Variants in TCOF1 observed in about 807,000 individuals in gnomAD.
The protein encoded by TCOF1 is treacle protein.
TCOF1 carries 33 observed loss-of-function variants against 149.0 expected under a neutral mutation model. The observed-to-expected ratio is 0.22, with a 90% confidence interval of 0.17 to 0.30. The LOEUF is 0.30. Among genes scored for constraint, TCOF1 ranks in the 10% least tolerant of loss-of-function variants. The pLI is 1.00. For missense variants in TCOF1, 1,728 were observed against 1,840.7 expected, an observed-to-expected ratio of 0.94 and a Z score of 1.12; for synonymous variants, 789 against 738.8, an observed-to-expected ratio of 1.07 and a Z score of -1.10.
At chr5:150,368,337 G>T (rs1028862233) in intron 4 of TCOF1, 3 of 352,020 alleles carry the variant, frequency 8.5e-6, no homozygotes, top group Admixed American at 4.5e-5. Context: ...AAAAAACAAG[G>T]TGTCATTTTC....
chr5:150,377,487 C>T (rs1317940215), intron 14 of TCOF1, among the ~76,000 whole-genome samples: 1 of 152,234 alleles, frequency 6.6e-6, no homozygotes, highest in Non-Finnish European at 1.5e-5. Flanking sequence ...ACTCCCTGCA[C>T]TCACCCACCC....
intron 14 of TCOF1, among the ~76,000 whole-genome samples, chr5:150,376,866 G>A (rs1763925729): frequency 6.6e-6 from 1 of 152,180 alleles, no homozygotes; most frequent in Admixed American, 6.5e-5. Context: ...CACAAGCTCT[G>A]GAGTTCCCAC....
Position 150,389,787 on chromosome 5 carries a change from C to T in TCOF1, c.3047-100C>T. ...ACCTCTGTAAGCCCTGAGCACAGCT[C>T]TAGATCACCAGCACAGGCCGGTAAA... On this transcript the variant is annotated intron_variant, in intron 18 of 26. Coordinates refer to ENST00000643257, the MANE Select transcript of TCOF1 (RefSeq NM_001371623.1). The T allele has an allele frequency of 2.5e-6, 4 of 1,602,508 alleles. No individual in the cohort carries two copies. The South Asian group carries it at 4.5e-5, about 18-fold the overall frequency.
chr5:150,399,106 G>A, intron 26 of TCOF1, 36 bp downstream of exon 26: 1 of 1,613,972 alleles, frequency 6.2e-7, no homozygotes, highest in Non-Finnish European at 8.5e-7. Flanking sequence ...ATTCAGGGTG[G>A]GAGGACAGCT....
Position 150,357,733 on chromosome 5 carries a change from C to G in TCOF1, c.-14C>G, listed in dbSNP as rs764760629. On this transcript the variant is annotated 5_prime_UTR_variant, in exon 1 of 27. Transcript: ENST00000643257. ...CGGGGCGTGCAGGTAGCCGGCCGGC[C>G]GGGGGTCGCGGGTATGGCCGAGGCC... 1 of 1,546,578 alleles carries G rather than the reference C, an allele frequency of 6.5e-7. No homozygotes were observed. Among genetic ancestry groups the G allele is most frequent in the Non-Finnish European group, 8.7e-7 (1 of 1,145,456 alleles).
chr5:150,396,153 C>A, intron 23 of TCOF1, 129 bp from the exon 24 acceptor site: 2 of 1,081,402 alleles, frequency 1.8e-6, no homozygotes, highest in South Asian at 1.3e-5. Context: ...ACCGCCAAGC[C>A]TTGCTCTCCC....
chr5:150,381,690 T>G (rs1456285088), intron 17 of TCOF1, among the ~76,000 whole-genome samples: 1 of 152,236 alleles, frequency 6.6e-6, no homozygotes, highest in Non-Finnish European at 1.5e-5. Flanking sequence ...AAGTTTTCAA[T>G]GAGTTCTTAG....
chr5:150,372,135 C>G lies in TCOF1; in HGVS notation c.769C>G (p.Leu257Val). The stretch of plus-strand genomic sequence containing the variant: ...GACACCCCAGGTCAAAGGAGGGGCC[C>G]TGCCCCCAGCCAAGAGGGCCAAGAA... ...DVTPQVKGGA[L>V]PPAKRAKKPE... The change falls in exon 7 of 27, where the codon CTG (leucine) becomes GTG (valine). Residue 257 changes from leucine (L) to valine (V), a missense_variant. By Grantham distance (32) the Leu-to-Val change is conservative. This residue lies in a region of TCOF1 where 1,696 missense variants were observed against 1,765.4 expected (regional missense o/e 0.96). Coordinates refer to ENST00000643257, the MANE Select transcript of TCOF1 (RefSeq NM_001371623.1). 1 of 1,614,222 alleles carries G rather than the reference C, an allele frequency of 6.2e-7. No homozygotes were observed. Among genetic ancestry groups the G allele is most frequent in the Non-Finnish European group, 8.5e-7 (1 of 1,180,032 alleles).
At chr5:150,396,236 TC>T in intron 23 of TCOF1, 45 bp from the exon 24 acceptor site, 1 of 1,602,470 alleles carries the variant, frequency 6.2e-7, no homozygotes, top group Non-Finnish European at 8.5e-7. Context: ...ATAAGATCTG[TC>T]CCCCAACTCT....
chr5:150,368,631 G>C, intron 4 of TCOF1, 85 bp from the exon 5 acceptor site: 1 of 1,514,102 alleles, frequency 6.6e-7, no homozygotes, highest in Non-Finnish European at 9.2e-7. Context: ...CTAAGAAGTG[G>C]TAAGATTGGG....
chr5:150,387,349 A>G (rs937408651), intron 17 of TCOF1, among the ~76,000 whole-genome samples: 5 of 152,140 alleles, frequency 3.3e-5, no homozygotes, highest in African/African-American at 9.7e-5. Flanking sequence ...AAGAAACTGA[A>G]TTGGTATAGC....
intron 18 of TCOF1, 87 bp from the exon 19 acceptor site, chr5:150,389,800 A>G (rs1767036495): frequency 6.2e-7 from 1 of 1,607,416 alleles, no homozygotes; most frequent in Non-Finnish European, 8.5e-7. Flanking sequence ...GATCACCAGC[A>G]CAGGCCGGTA....
At chr5:150,395,825 C>T (rs1412380690) in intron 23 of TCOF1, among the ~76,000 whole-genome samples, 2 of 152,156 alleles carry the variant, frequency 1.3e-5, no homozygotes, top group Admixed American at 6.5e-5. Flanking sequence ...CCACCCCTCA[C>T]GTTATAGACA....
At chr5:150,361,118 T>C (rs983098697) in intron 1 of TCOF1, 38 bp from the exon 2 acceptor site, 2 of 1,613,652 alleles carry the variant, frequency 1.2e-6, no homozygotes, top group Admixed American at 1.7e-5. Context: ...CTTACTGTGC[T>C]GGGGATTAAT....
chr5:150,382,765 C>T (rs966790642), intron 17 of TCOF1, among the ~76,000 whole-genome samples: 1 of 152,254 alleles, frequency 6.6e-6, no homozygotes, highest in African/African-American at 2.4e-5. Flanking sequence ...GCTGCTGTCA[C>T]CTCTTGTCGA....
intron 10 of TCOF1, 39 bp from the exon 11 acceptor site, chr5:150,375,300 C>G (rs761929414): frequency 6.2e-7 from 1 of 1,606,782 alleles, no homozygotes; most frequent in Admixed American, 1.7e-5. Context: ...CATTCTCCTT[C>G]TGGACTCCCT....
intron 7 of TCOF1, among the ~76,000 whole-genome samples, chr5:150,373,148 C>T (rs1268963303): frequency 2.0e-5 from 3 of 152,002 alleles, no homozygotes; most frequent in Admixed American, 2.0e-4. Flanking sequence ...TAGCGGCAAT[C>T]ATAGCTCACT....
chr5:150,397,153 C>A (rs868374594), intron 24 of TCOF1, among the ~76,000 whole-genome samples: 108 of 88,692 alleles, frequency 1.2e-3, no homozygotes, highest in South Asian at 3.0e-3. Flanking sequence ...GCAAGACTGT[C>A]AAAAAAAAAA....
rs374972944 is a variant in TCOF1 at position 150,391,504 on chromosome 5, A to C, written c.3184-40A>C. On this transcript the variant is annotated intron_variant, in intron 19 of 26. Coordinates refer to ENST00000643257, the MANE Select transcript of TCOF1 (RefSeq NM_001371623.1). ...AGGGTGTGGCACAGCTGGCATCCCA[A>C]GGACTTGTGAGTCTGAGGGCTACCT... The C allele has an allele frequency of 3.4e-5, 53 of 1,555,550 alleles. No individual in the cohort carries two copies. In the African/African-American group the frequency reaches 6.8e-4, roughly 20 times the overall value.
Sources: gnomAD v4.1 joint callset for allele counts (sites outside exome capture counted in the v4.1 genomes callset) on GRCh38, gnomAD v4.1.1 for gene constraint, gnomAD v4.1.1 regional missense constraint, MANE v1.5 for transcripts, NCBI Gene and HGNC (gene_info 2026-07-23, HGNC 2026-07-21) for gene names.